The following TMEFF1 variants were observed in gnomAD, a reference collection of about 807,000 sequenced individuals.
TMEFF1 encodes tomoregulin-1.
In TMEFF1, 20 loss-of-function variants were observed where a neutral mutation model predicts 47.5. The observed-to-expected ratio is 0.42, with a 90% CI of 0.30 to 0.61. The LOEUF (loss-of-function observed/expected upper bound fraction) is 0.61, where lower values mean the gene tolerates loss of function less well. Ranked by LOEUF, TMEFF1 falls within the 20% of genes least tolerant of loss-of-function variation. TMEFF1 has a pLI of 0.19. For missense variants in TMEFF1, 411 were observed against 471.1 expected, an observed-to-expected ratio of 0.87 and a Z score of 1.18; for synonymous variants, 162 against 166.3, an observed-to-expected ratio of 0.97 and a Z score of 0.20.
At chr9:100,510,232 A>G (rs1837936659) in intron 3 of TMEFF1, among the ~76,000 whole-genome samples, 1 of 152,208 alleles carries the variant, frequency 6.6e-6, no homozygotes, top group Admixed American at 6.5e-5. Flanking sequence ...GTAATTTGCT[A>G]GAAGGGCTAA....
chr9:100,498,897 G>C, intron 2 of TMEFF1, 23 bp downstream of exon 2: 2 of 1,603,828 alleles, frequency 1.2e-6, no homozygotes, highest in Non-Finnish European at 1.7e-6. Flanking sequence ...AGCCTATTTT[G>C]AAAAGTTTTA....
rs545521480 is a variant in TMEFF1 at position 100,575,141 on chromosome 9, G to A, written c.1059-1375G>A. ...ATGTACTTGGATTTATTTCCATTGA[G>A]TTTTTAAGTATCTCTCCCACACAGT... On this transcript the variant is annotated intron_variant, in intron 9 of 9. Transcript: ENST00000374879. Among the ~76,000 whole-genome samples the A allele has an allele frequency of 2.6e-5, 4 of 152,296 alleles. No homozygotes were observed. The East Asian group carries it at 7.7e-4, about 29-fold the overall frequency.
intron 1 of TMEFF1, among the ~76,000 whole-genome samples, chr9:100,493,253 C>T (rs1837589415): frequency 6.6e-6 from 1 of 152,156 alleles, no homozygotes; most frequent in African/African-American, 2.4e-5. Flanking sequence ...CAATAGTGCC[C>T]AGACTGAGAA....
At chr9:100,520,649 T>A (rs1467918828) in intron 5 of TMEFF1, among the ~76,000 whole-genome samples, 1 of 152,252 alleles carries the variant, frequency 6.6e-6, no homozygotes, top group Non-Finnish European at 1.5e-5. Flanking sequence ...TTTAACATAC[T>A]CTTACAATTA....
intron 3 of TMEFF1, among the ~76,000 whole-genome samples, chr9:100,509,690 C>T (rs1018987953): frequency 1.7e-4 from 26 of 151,046 alleles, no homozygotes; most frequent in Non-Finnish European, 3.1e-4. Context: ...AGGAGAATGG[C>T]GTGAACCCAG....
chr9:100,564,116 C>T (rs1276316010), intron 8 of TMEFF1, among the ~76,000 whole-genome samples: 1 of 152,150 alleles, frequency 6.6e-6, no homozygotes, highest in Non-Finnish European at 1.5e-5. Flanking sequence ...GATCTGTCAC[C>T]CAGACTGGAG....
rs143411647 is a variant in TMEFF1, at chr9:100,535,409, T to G, written c.561-12335T>G. ...GGGCATATTGAAAGGAAAGAAGCAC[T>G]TCCCTTTTTTGAATCATCCCTTTTA... On this transcript the variant is annotated intron_variant, in intron 5 of 9. Coordinates refer to ENST00000374879, the MANE Select transcript of TMEFF1 (RefSeq NM_003692.5). Among the ~76,000 whole-genome samples, 153 of 152,352 alleles carry G rather than the reference T, an allele frequency of 1.0e-3. 1 individual carries two copies. The highest frequency in any genetic ancestry group is 3.5e-3 in the African/African-American group (146 of 41,598).
chr9:100,549,088 G>A (rs1055631953), intron 6 of TMEFF1, among the ~76,000 whole-genome samples: 7 of 152,110 alleles, frequency 4.6e-5, no homozygotes, highest in African/African-American at 1.7e-4. Context: ...TCATCCTCAC[G>A]TTGCTAGAAA....
chr9:100,477,905 G>C (rs1051888010), intron 1 of TMEFF1, among the ~76,000 whole-genome samples: 2 of 152,106 alleles, frequency 1.3e-5, no homozygotes, highest in African/African-American at 4.8e-5. Flanking sequence ...AGGATTACAG[G>C]CATGAGCCAC....
At position 100,516,656 on chromosome 9, in the gene TMEFF1, G is replaced by T. The variant is rs762045567; in HGVS notation, c.464-19G>T. On this transcript the variant is annotated intron_variant, in intron 4 of 9. Transcript: ENST00000374879. Reference sequence around the variant, plus strand: ...GATCCCAACTTTTGGTTGTAAATTTGATTTTTCTTTTTAAACAGAAGAGGA... The same window carrying T: ...GATCCCAACTTTTGGTTGTAAATTTTATTTTTCTTTTTAAACAGAAGAGGA... 2 of 1,605,272 alleles carry T rather than the reference G, an allele frequency of 1.2e-6. No homozygotes were observed. The highest frequency in any genetic ancestry group is 1.7e-5 in the Admixed American group (1 of 57,834).
At chr9:100,503,539 C>G (rs767805874) in intron 2 of TMEFF1, among the ~76,000 whole-genome samples, 1 of 66,422 alleles carries the variant, frequency 1.5e-5, no homozygotes, top group Admixed American at 1.8e-4. Context: ...AACAGAAACA[C>G]ACACACACAC....
At chr9:100,524,929 A>T (rs1219947349) in intron 5 of TMEFF1, among the ~76,000 whole-genome samples, 1 of 152,016 alleles carries the variant, frequency 6.6e-6, no homozygotes, top group South Asian at 2.1e-4. Flanking sequence ...TGTGATGAGG[A>T]ACTTCATTAT....
chr9:100,475,606 A>G (rs1465795539), intron 1 of TMEFF1, among the ~76,000 whole-genome samples: 1 of 152,034 alleles, frequency 6.6e-6, no homozygotes, highest in Non-Finnish European at 1.5e-5. Context: ...TCTTGATGGG[A>G]TGTTTTTGTG....
At position 100,485,140 on chromosome 9, in the gene TMEFF1, T is replaced by A. The variant is rs72735135; in HGVS notation, c.196+11400T>A. On this transcript the variant is annotated intron_variant, in intron 1 of 9. Transcript: ENST00000374879. ...CAGAATTTCATTCCTTTTTTTTGAC[T>A]GAATAATATTTCATTGTCTCGATAA... Among the ~76,000 whole-genome samples, 566 of 152,380 alleles carry A rather than the reference T, an allele frequency of 3.7e-3. 1 individual carries two copies. The highest frequency in any genetic ancestry group is 5.1e-3 in the Non-Finnish European group (350 of 68,034).
intron 1 of TMEFF1, among the ~76,000 whole-genome samples, chr9:100,476,897 C>G (rs1034062499): frequency 2.2e-4 from 34 of 151,546 alleles, no homozygotes; most frequent in Middle Eastern, 7.0e-3. Context: ...GGGGTTTCAT[C>G]GTGTTAGCCA....
chr9:100,513,667 G>A (rs1838008975), intron 4 of TMEFF1, among the ~76,000 whole-genome samples: 2 of 152,036 alleles, frequency 1.3e-5, no homozygotes, highest in South Asian at 4.1e-4. Flanking sequence ...GAAGTTTATT[G>A]TCATACTAAG....
At chr9:100,568,061 C>T (rs918242569) in intron 8 of TMEFF1, among the ~76,000 whole-genome samples, 12 of 152,178 alleles carry the variant, frequency 7.9e-5, no homozygotes, top group African/African-American at 2.9e-4. Flanking sequence ...CCACTGGGTT[C>T]CTCCCACGAC....
At position 100,473,509 on chromosome 9, in the gene TMEFF1, G is replaced by T; in HGVS notation, c.-36G>T. 1.5e-6 allele frequency: 2 copies of T among 1,358,596 alleles called. No individual in the cohort carries two copies. Among genetic ancestry groups the T allele is most frequent in the East Asian group, 3.1e-5 (1 of 32,700 alleles). The allele number at this position is 1,358,596 out of a possible 1,614,324, so 84.2% of individuals were successfully genotyped here. ...CGCGGCTGGATGCCCCCGGCCTGCG[G>T]CTCCCTGCGCTTCCCGCCGTCCAGG... On this transcript the variant is annotated 5_prime_UTR_variant, in exon 1 of 10. Coordinates refer to ENST00000374879, the MANE Select transcript of TMEFF1 (RefSeq NM_003692.5). The surrounding 1 kb of genome is among the most constrained non-coding windows in gnomAD (Gnocchi z 5.4).
At chr9:100,569,611 C>T (rs1477490531) in intron 8 of TMEFF1, among the ~76,000 whole-genome samples, 2 of 151,802 alleles carry the variant, frequency 1.3e-5, no homozygotes, top group Non-Finnish European at 2.9e-5. Flanking sequence ...AAACTGTTGC[C>T]TAATCTAAGG....
Sources: gnomAD v4.1 joint callset for allele counts (sites outside exome capture counted in the v4.1 genomes callset) on GRCh38, gnomAD v4.1.1 for gene constraint, Gnocchi (gnomAD v3.1) non-coding constraint, MANE v1.5 for transcripts, NCBI Gene and HGNC (gene_info 2026-07-23, HGNC 2026-07-21) for gene names.